The following PSEN2 variants were observed in gnomAD, a reference collection of about 807,000 sequenced individuals.
PSEN2 encodes the protein presenilin 2.
In PSEN2, 32 loss-of-function variants were observed where a neutral mutation model predicts 49.1. The ratio of observed to expected loss-of-function variants is 0.65; its 90% CI spans 0.49 to 0.88. The LOEUF is 0.88. Among genes scored for constraint, PSEN2 ranks in the 40% least tolerant of loss-of-function variants. The pLI, the probability that PSEN2 is intolerant of heterozygous loss-of-function variation, is 0.00. For synonymous variants in PSEN2, 255 were observed against 244.0 expected (o/e 1.05, Z -0.42); for missense variants, 522 against 586.9 (o/e 0.89, Z 1.14).
chr1:226,898,206 T>A (rs1662215257), downstream of PSEN2: 1 of 152,256 alleles, frequency 6.6e-6, no homozygotes, highest in African/African-American at 2.4e-5. Flanking sequence ...CCACGCACCT[T>A]GGCCTCCAAA....
intron 11 of PSEN2, among the ~76,000 whole-genome samples, chr1:226,892,358 C>G (rs965349248): frequency 2.0e-5 from 3 of 152,140 alleles, no homozygotes; most frequent in African/African-American, 7.2e-5. Context: ...TCAGAGGAAG[C>G]CGGGGCGGGA....
At chr1:226,874,752 C>G (rs1660525497) in intron 2 of PSEN2, among the ~76,000 whole-genome samples, 1 of 152,214 alleles carries the variant, frequency 6.6e-6, no homozygotes, top group South Asian at 2.1e-4. Context: ...TATGCCTGTT[C>G]TGCTTTTTAC....
intron 12 of PSEN2, among the ~76,000 whole-genome samples, chr1:226,895,185 A>G (rs1428591182): frequency 6.6e-6 from 1 of 152,184 alleles, no homozygotes. Context: ...CTGCTCCAGG[A>G]GTCAGGAGGC....
chr1:226,889,913 A>G, intron 8 of PSEN2, 122 bp from the exon 9 acceptor site: 1 of 800,154 alleles, frequency 1.2e-6, no homozygotes, highest in Non-Finnish European at 2.2e-6. Flanking sequence ...AGAATTTGGG[A>G]TGCCAGCCCA....
At chr1:226,883,099 ACCT>A (rs141487628) in intron 4 of PSEN2, among the ~76,000 whole-genome samples, 1,596 of 151,976 alleles carry the variant, frequency 0.011, 22 homozygotes, top group African/African-American at 0.036. Flanking sequence ...CTCCCTCGTT[ACCT>A]CCTCATTTGT....
downstream of PSEN2, chr1:226,899,231 C>T (rs995127563): frequency 2.0e-5 from 3 of 152,152 alleles, no homozygotes; most frequent in African/African-American, 7.2e-5. Flanking sequence ...TTTTTATTTT[C>T]ATAATAAGAT....
At chr1:226,900,314 C>T (rs1050238907), downstream of PSEN2, among the ~76,000 whole-genome samples, 8 of 152,128 alleles carry the variant, frequency 5.3e-5, no homozygotes, top group South Asian at 2.1e-4. Flanking sequence ...AGAATGCCTG[C>T]GAGTGGCTTA....
intron 12 of PSEN2, among the ~76,000 whole-genome samples, chr1:226,903,232 G>C (rs1173611442): frequency 6.6e-6 from 1 of 151,774 alleles, no homozygotes; most frequent in Admixed American, 6.6e-5. Context: ...TGAAAATGTT[G>C]GATTTTGTCT....
intron 5 of PSEN2, 56 bp downstream of exon 5, chr1:226,883,975 T>TGGGGGGGGGGGGGGGCCCGGGGGGG: frequency 7.7e-6 from 1 of 129,696 alleles, no homozygotes; most frequent in Non-Finnish European, 1.5e-5. Context: ...TGCCAGGGGG[T>TGGGGGGGGGGGGGGGCCCGGGGGGG]GGGGGGCGCA....
At chr1:226,885,497 A>C (rs1282648399) in intron 5 of PSEN2, 41 bp from the exon 6 acceptor site, 1 of 1,609,776 alleles carries the variant, frequency 6.2e-7, no homozygotes. Context: ...CTCGAGGAGC[A>C]GTCAGGGCCG....
rs201403206 is a variant in PSEN2, at chr1:226,889,017, C to T, written c.755C>T (p.Ala252Val). 15 of 1,614,018 alleles carry T rather than the reference C, an allele frequency of 9.3e-6. No homozygotes were observed. In the East Asian group the frequency reaches 1.8e-4, roughly 19 times the overall value. The stretch of plus-strand genomic sequence containing the variant: ...ATCAAGTACCTCCCAGAGTGGTCCG[C>T]GTGGGTCATCCTGGGCGCCATCTCT... ...VFIKYLPEWS[A>V]WVILGAISVY... The change falls in exon 8 of 13, where the codon GCG becomes GTG. Residue 252 changes from alanine to valine, a missense_variant. Coordinates refer to ENST00000366783, the MANE Select transcript of PSEN2 (RefSeq NM_000447.3).
At chr1:226,877,851 A>G (rs1269855304) in intron 3 of PSEN2, among the ~76,000 whole-genome samples, 1 of 152,214 alleles carries the variant, frequency 6.6e-6, no homozygotes, top group African/African-American at 2.4e-5. Context: ...AAGACATGTC[A>G]GGTCTTGATG....
chr1:226,885,400 C>A, intron 5 of PSEN2, 138 bp from the exon 6 acceptor site: 1 of 941,696 alleles, frequency 1.1e-6, no homozygotes, highest in Non-Finnish European at 1.6e-6. Flanking sequence ...GGGGATGGTG[C>A]CCGCACTCCA....
rs200801915 is a variant in PSEN2, at chr1:226,883,863, C to T, written c.300C>T (p.Ile100=). ...MLFVPVTLCM[I]VVVATIKSVR... The stretch of plus-strand genomic sequence containing the variant: ...TTGTGCCTGTCACTCTGTGCATGAT[C>T]GTGGTGGTAGCCACCATCAAGTCTG... The change falls in exon 5 of 13, where the codon ATC becomes ATT. Residue 100 remains isoleucine, a synonymous_variant. Transcript: ENST00000366783. The T allele has an allele frequency of 6.4e-5, 99 of 1,543,610 alleles. No individual in the cohort carries two copies. In the Middle Eastern group the frequency reaches 1.6e-3, roughly 25 times the overall value.
At chr1:226,891,075 C>T in intron 9 of PSEN2, 1 of 602,102 alleles carries the variant, frequency 1.7e-6, no homozygotes, top group Non-Finnish European at 3.0e-6. Flanking sequence ...GGGAGACAAA[C>T]AGTAACAGAA....
intron 3 of PSEN2, among the ~76,000 whole-genome samples, chr1:226,881,597 T>G (rs960608733): frequency 6.6e-6 from 1 of 152,344 alleles, no homozygotes; most frequent in East Asian, 1.9e-4. Context: ...GCTGATTGAA[T>G]GAATGAGCAC....
intron 8 of PSEN2, among the ~76,000 whole-genome samples, chr1:226,889,763 A>G (rs975129320): frequency 6.6e-6 from 1 of 152,238 alleles, no homozygotes; most frequent in Non-Finnish European, 1.5e-5. Flanking sequence ...TTAAGGTTAA[A>G]GAATTGGAGG....
In PSEN2 at chr1:226,882,043, C is replaced by T. The variant is rs757319285; in HGVS notation, c.136C>T (p.Gln46Ter). ...QGPEDGENTA[Q>*]WRSQENEEDG... is the part of the protein sequence containing the mutation. ...CCCAGAGGATGGAGAGAACACTGCC[C>T]AGTGGGTAGGTCCCACCAGCAGCTG... The change falls in exon 4 of 13, where the codon CAG (glutamine) becomes TAG (stop). Residue 46 changes from glutamine to a stop codon, truncating the protein, a stop_gained. Transcript: ENST00000366783. LOFTEE classifies it high-confidence loss of function. The T allele has an allele frequency of 1.2e-6, 2 of 1,613,860 alleles. No individual in the cohort carries two copies. The highest frequency in any genetic ancestry group is 1.1e-5 in the South Asian group (1 of 91,088).
At position 226,890,105 on chromosome 1, in the gene PSEN2, G is replaced by A; in HGVS notation, c.858G>A (p.Glu286=). The change falls in exon 9 of 13, where the codon GAG becomes GAA. Residue 286 remains glutamate (E), a synonymous_variant. Coordinates refer to ENST00000366783, the MANE Select transcript of PSEN2 (RefSeq NM_000447.3). ...TAGAAACTGCCCAGGAGAGAAATGA[G>A]CCCATATTCCCTGCCCTGATATACT... ...MLVETAQERN[E]PIFPALIYSS... The A allele has an allele frequency of 6.2e-7, 1 of 1,614,004 alleles. No homozygotes were observed. The highest frequency in any genetic ancestry group is 8.5e-7 in the Non-Finnish European group (1 of 1,179,896).
Sources: allele counts gnomAD v4.1 joint callset (sites outside exome capture counted in the v4.1 genomes callset), GRCh38; gene constraint gnomAD v4.1.1; transcripts MANE v1.5; gene names NCBI Gene and HGNC (gene_info 2026-07-23, HGNC 2026-07-21).